NXPE4: variants seen among roughly 807,000 people sequenced by gnomAD.
NXPE4 encodes the protein NXPE family member 4.
Under a neutral mutation model 33.3 loss-of-function variants are expected in NXPE4, and 42 were observed. The observed-to-expected ratio is 1.26, with a 90% CI of 0.98 to 1.63. NXPE4 has a LOEUF of 1.63. Among genes scored for constraint, NXPE4 ranks in the 40% most tolerant of loss-of-function variants. The pLI, the probability that NXPE4 is intolerant of heterozygous loss-of-function variation, is 0.00. For synonymous variants in NXPE4, 253 were observed against 234.9 expected (o/e 1.08, Z -0.71); for missense variants, 709 against 647.6 (o/e 1.09, Z -1.03).
At chr11:114,624,973 T>C in the NXPE4 span, among the ~76,000 whole-genome samples, 2 of 151,726 alleles carry the variant, frequency 1.3e-5, no homozygotes, top group Non-Finnish European at 2.9e-5. Flanking sequence ...ACCTTGTGGA[T>C]AGTAAGTGTT....
chr11:114,673,903 C>T, the NXPE4 span, among the ~76,000 whole-genome samples: 1 of 151,764 alleles, frequency 6.6e-6, no homozygotes, highest in East Asian at 1.9e-4. Flanking sequence ...CACATCTCTC[C>T]TACAAACTAG....
In NXPE4 at chr11:114,580,162, A is replaced by C; in HGVS notation, c.1069T>G (p.Trp357Gly). 1.2e-6 allele frequency: 2 copies of C among 1,614,072 alleles called. No individual in the cohort carries two copies. Among genetic ancestry groups the C allele is most frequent in the Admixed American group, 1.7e-5 (1 of 60,018 alleles). Residue 357 changes from tryptophan (W) to glycine (G), a missense_variant, in exon 5 of 6, where the codon TGG becomes GGG. Coordinates refer to ENST00000375478, the MANE Select transcript of NXPE4 (RefSeq NM_001077639.2). ...ATACTGGCTTTGAAGTATTCCATCC[A>C]CTGGCGGATCGTGGAATCTCCCATT... is the stretch of plus-strand genomic sequence containing the variant. ...YLMGDSTIRQWMEYFKASINT... is the reference protein window; with the variant it reads ...YLMGDSTIRQGMEYFKASINT...
chr11:114,618,404 A>T, the NXPE4 span, among the ~76,000 whole-genome samples: 9 of 149,780 alleles, frequency 6.0e-5, no homozygotes, highest in African/African-American at 2.0e-4. Flanking sequence ...GATAATAAGT[A>T]TTGCCTCATG....
chr11:114,617,676 G>A, the NXPE4 span, among the ~76,000 whole-genome samples: 38 of 151,910 alleles, frequency 2.5e-4, no homozygotes, highest in South Asian at 1.5e-3. Context: ...ACTGTTACCC[G>A]GTGGATAAAA....
At chr11:114,640,014 T>G in the NXPE4 span, among the ~76,000 whole-genome samples, 2 of 120,704 alleles carry the variant, frequency 1.7e-5, no homozygotes, top group Non-Finnish European at 3.1e-5. Flanking sequence ...AATAATATAT[T>G]ATTTTATAAT....
chr11:114,575,653 A>G (rs766720092), intron 5 of NXPE4, among the ~76,000 whole-genome samples: 2 of 152,156 alleles, frequency 1.3e-5, no homozygotes, highest in Non-Finnish European at 2.9e-5. Flanking sequence ...AGGATGTCAA[A>G]GACCTCTACA....
chr11:114,586,633 C>G (rs779780347), intron 2 of NXPE4, among the ~76,000 whole-genome samples: 3 of 152,116 alleles, frequency 2.0e-5, no homozygotes, highest in Non-Finnish European at 4.4e-5. Context: ...TCATGTGGGG[C>G]TGGAAGAGGT....
At chr11:114,665,190 A>G in the NXPE4 span, among the ~76,000 whole-genome samples, 1 of 152,146 alleles carries the variant, frequency 6.6e-6, no homozygotes, top group Non-Finnish European at 1.5e-5. Context: ...TCTTAGCAAA[A>G]TACAGAAAGT....
At chr11:114,653,533 CTTTT>C in the NXPE4 span, among the ~76,000 whole-genome samples, 1 of 103,508 alleles carries the variant, frequency 9.7e-6, no homozygotes. Flanking sequence ...CCTGCTTTCC[CTTTT>C]TTTTTTTTTT....
the NXPE4 span, among the ~76,000 whole-genome samples, chr11:114,624,754 C>T: frequency 6.6e-6 from 1 of 152,212 alleles, no homozygotes; most frequent in African/African-American, 2.4e-5. Flanking sequence ...ACCACTGTTA[C>T]CCAGTGGATA....
At chr11:114,660,822 A>C in the NXPE4 span, among the ~76,000 whole-genome samples, 1 of 152,186 alleles carries the variant, frequency 6.6e-6, no homozygotes, top group African/African-American at 2.4e-5. Context: ...TTCACAGCCA[A>C]TATGATTATC....
the NXPE4 span, among the ~76,000 whole-genome samples, chr11:114,610,384 C>T: frequency 3.9e-5 from 6 of 152,012 alleles, no homozygotes; most frequent in East Asian, 5.8e-4. Context: ...AATATTGCCT[C>T]GTGGGTAACC....
At chr11:114,652,595 G>T in the NXPE4 span, among the ~76,000 whole-genome samples, 18 of 152,322 alleles carry the variant, frequency 1.2e-4, no homozygotes, top group Admixed American at 2.6e-4. Flanking sequence ...CTCGACATAT[G>T]TTAACTGTTA....
the NXPE4 span, among the ~76,000 whole-genome samples, chr11:114,623,212 A>C: frequency 0.012 from 1,866 of 151,958 alleles, 34 homozygotes; most frequent in African/African-American, 0.041. Flanking sequence ...TACCCAGTGG[A>C]TCATAAATAT....
chr11:114,606,006 C>T, the NXPE4 span, among the ~76,000 whole-genome samples: 4 of 151,760 alleles, frequency 2.6e-5, no homozygotes, highest in African/African-American at 9.7e-5. Context: ...TAAGTATTGC[C>T]TCATGGGTAA....
chr11:114,577,917 T>G (rs1286876768), intron 5 of NXPE4, among the ~76,000 whole-genome samples: 1 of 152,188 alleles, frequency 6.6e-6, no homozygotes, highest in Non-Finnish European at 1.5e-5. Flanking sequence ...TACTAGTCAT[T>G]TGTGGAACCC....
the NXPE4 span, among the ~76,000 whole-genome samples, chr11:114,633,238 CATATAAT>C: frequency 1.9e-4 from 24 of 129,688 alleles, no homozygotes; most frequent in African/African-American, 7.1e-4. Flanking sequence ...ATATATGTAA[CATATAAT>C]ATATAATATA....
chr11:114,671,444 A>G, the NXPE4 span, among the ~76,000 whole-genome samples: 1 of 152,082 alleles, frequency 6.6e-6, no homozygotes, highest in South Asian at 2.1e-4. Flanking sequence ...GATACTTAAT[A>G]AAGTACAAGT....
Position 114,571,256 on chromosome 11 carries a change from G to A in NXPE4, c.1317C>T (p.Phe439=). Residue 439 remains phenylalanine, a synonymous_variant, in exon 6 of 6, where the codon TTC becomes TTT. Coordinates refer to ENST00000375478, the MANE Select transcript of NXPE4 (RefSeq NM_001077639.2). The stretch of plus-strand genomic sequence containing the variant: ...TAAAAACATCAATGGGAAAGGGTCT[G>A]AAATGCTGGCCCAGGGAAATAACAA... ...TVIVISLGQH[F]RPFPIDVFIR... 3.7e-6 allele frequency: 6 copies of A among 1,614,048 alleles called. No homozygotes were observed. Among genetic ancestry groups the A allele is most frequent in the Non-Finnish European group, 5.1e-6 (6 of 1,179,950 alleles).
Sources: allele counts gnomAD v4.1 joint callset (sites outside exome capture counted in the v4.1 genomes callset), GRCh38; gene constraint gnomAD v4.1.1; transcripts MANE v1.5; gene names NCBI Gene and HGNC (gene_info 2026-07-23, HGNC 2026-07-21).